The following MALT1 variants were observed in gnomAD, a reference collection of about 807,000 sequenced individuals.
MALT1 encodes the protein mucosa-associated lymphoid tissue lymphoma translocation protein 1.
In MALT1, 36 loss-of-function variants were observed where a neutral mutation model predicts 85.5. The ratio of observed to expected loss-of-function variants is 0.42; its 90% CI spans 0.32 to 0.56. The LOEUF is 0.56. Among genes scored for constraint, MALT1 ranks in the 20% least tolerant of loss-of-function variants. The pLI is 0.10. For synonymous variants in MALT1, 359 were observed against 361.3 expected (o/e 0.99, Z 0.07); for missense variants, 716 against 981.6 (o/e 0.73, Z 3.62).
At chr18:58,712,547 G>C (rs928960605) in intron 7 of MALT1, among the ~76,000 whole-genome samples, 18 of 152,220 alleles carry the variant, frequency 1.2e-4, no homozygotes, top group Non-Finnish European at 2.4e-4. Context: ...AAGAGGCTTG[G>C]GGGTGGATGA....
At chr18:58,701,461 GT>G (rs1208330491) in intron 4 of MALT1, among the ~76,000 whole-genome samples, 5 of 152,092 alleles carry the variant, frequency 3.3e-5, no homozygotes, top group Admixed American at 3.3e-4. Flanking sequence ...TATAGAACTC[GT>G]TGCATTGATT....
At chr18:58,686,296 G>A (rs1227741884) in intron 2 of MALT1, among the ~76,000 whole-genome samples, 1 of 152,142 alleles carries the variant, frequency 6.6e-6, no homozygotes, top group East Asian at 1.9e-4. Flanking sequence ...CAAAGTACTG[G>A]GATTGCAGGC....
At chr18:58,717,973 GGTTA>G (rs2054927838) in intron 9 of MALT1, among the ~76,000 whole-genome samples, 1 of 152,150 alleles carries the variant, frequency 6.6e-6, no homozygotes. Flanking sequence ...AATGTAACTG[GGTTA>G]GTTGCTGAAG....
Position 58,753,229 on chromosome 18 carries a change from C to G in MALT1, c.*5387C>G, listed in dbSNP as rs1346393511. On this transcript the variant is annotated 3_prime_UTR_variant, in exon 17 of 17. Coordinates refer to ENST00000649217, the MANE Select transcript of MALT1 (RefSeq NM_006785.4). ...TTGTTGTTGTCTTTTGAGTCTCACTCTGTCTCCCAGGCTGTAGTGCAGTGG... is the reference window on the plus strand; with the variant it reads ...TTGTTGTTGTCTTTTGAGTCTCACTGTGTCTCCCAGGCTGTAGTGCAGTGG... The G allele has an allele frequency of 2.0e-5, 3 of 152,064 alleles. No individual in the cohort carries two copies. Among genetic ancestry groups the G allele is most frequent in the Non-Finnish European group, 4.4e-5 (3 of 68,026 alleles). 9.4% of individuals were successfully genotyped at this position (152,064 alleles called of 1,614,324 possible). A position where few individuals can be genotyped will look rare whatever the true frequency, so the allele number is the denominator to read the frequency against.
chr18:58,707,458 G>T (rs936326722), intron 4 of MALT1, among the ~76,000 whole-genome samples: 13 of 151,480 alleles, frequency 8.6e-5, no homozygotes, highest in Admixed American at 5.9e-4. Context: ...TAAGTTTTGG[G>T]ATACGTGTAC....
chr18:58,747,570 G>T lies in MALT1; in HGVS notation c.2203G>T (p.Gly735Cys), dbSNP rs778168597. ...TCFQTCLMSN[G>C]PYQSSAATSG... ...CTTTCAAACTTGTCTTATGTCTAATGGTCCTTACCAGAGTTCTGCAGCCAC... is the reference window on the plus strand; with the variant it reads ...CTTTCAAACTTGTCTTATGTCTAATTGTCCTTACCAGAGTTCTGCAGCCAC... Residue 735 changes from glycine to cysteine, a missense_variant, in exon 17 of 17, where the codon GGT becomes TGT. Transcript: ENST00000649217. 2 of 1,614,094 alleles carry T rather than the reference G, an allele frequency of 1.2e-6. No homozygotes were observed. The highest frequency in any genetic ancestry group is 8.5e-7 in the Non-Finnish European group (1 of 1,180,006).
chr18:58,722,065 A>G (rs1244777285), intron 9 of MALT1, among the ~76,000 whole-genome samples: 1 of 151,126 alleles, frequency 6.6e-6, no homozygotes, highest in Non-Finnish European at 1.5e-5. Context: ...GTCAGAGGCT[A>G]TTATTGTCAC....
chr18:58,688,475 G>A (rs1027914305), intron 2 of MALT1, among the ~76,000 whole-genome samples: 7 of 139,542 alleles, frequency 5.0e-5, no homozygotes, highest in African/African-American at 8.2e-5. Context: ...ATCTCTTGAG[G>A]CCAGCAGTTC....
At chr18:58,725,129 C>CAA (rs60468299) in intron 10 of MALT1, among the ~76,000 whole-genome samples, 1 of 118,440 alleles carries the variant, frequency 8.4e-6, no homozygotes, top group African/African-American at 3.2e-5. Flanking sequence ...GACTCCGTCT[C>CAA]AAAAAAAAAA....
intron 4 of MALT1, among the ~76,000 whole-genome samples, chr18:58,706,705 T>A (rs891945792): frequency 6.6e-6 from 1 of 152,250 alleles, no homozygotes; most frequent in African/African-American, 2.4e-5. Context: ...TCTGTTGTCT[T>A]CATTTTTGAA....
Position 58,706,024 on chromosome 18 carries a change from C to T in MALT1, c.650-3354C>T, listed in dbSNP as rs145427323. ...TTTTTGAGATGGAGTCTCTCTCTGT[C>T]GCCCAGGCTGGAGTGCAGTGGCACG... On this transcript the variant is annotated intron_variant, in intron 4 of 16. Transcript: ENST00000649217. Among the ~76,000 whole-genome samples, 436 of 152,300 alleles carry T rather than the reference C, an allele frequency of 2.9e-3. 5 individuals carry two copies. The highest frequency in any genetic ancestry group is 0.01 in the African/African-American group (416 of 41,556).
At chr18:58,706,718 A>C (rs1286185750) in intron 4 of MALT1, among the ~76,000 whole-genome samples, 1 of 152,192 alleles carries the variant, frequency 6.6e-6, no homozygotes, top group Non-Finnish European at 1.5e-5. Context: ...TTTTTGAAGG[A>C]TATTTTCGTC....
intron 2 of MALT1, among the ~76,000 whole-genome samples, chr18:58,688,287 G>A (rs2054435465): frequency 8.4e-6 from 1 of 119,710 alleles, no homozygotes; most frequent in South Asian, 2.7e-4. Flanking sequence ...GCAATAAATT[G>A]TATATATATG....
intron 3 of MALT1, among the ~76,000 whole-genome samples, chr18:58,700,140 A>C (rs1277078075): frequency 6.6e-6 from 1 of 152,200 alleles, no homozygotes; most frequent in Non-Finnish European, 1.5e-5. Flanking sequence ...AGATTCTTTC[A>C]ATACTCAGTG....
chr18:58,691,290 G>T (rs572681773), intron 2 of MALT1: 1 of 603,974 alleles, frequency 1.7e-6, no homozygotes, highest in Admixed American at 2.2e-5. Flanking sequence ...GGAGAAAGCC[G>T]ATTTGCAACC....
At chr18:58,721,604 T>G (rs1333682422) in intron 9 of MALT1, among the ~76,000 whole-genome samples, 1 of 151,798 alleles carries the variant, frequency 6.6e-6, no homozygotes. Context: ...CAAAGTAGAG[T>G]TTTTTTTATC....
intron 8 of MALT1, among the ~76,000 whole-genome samples, chr18:58,715,146 C>T (rs911399617): frequency 6.6e-6 from 1 of 152,160 alleles, no homozygotes; most frequent in Non-Finnish European, 1.5e-5. Context: ...GTTTCTCTTA[C>T]TGGGGGAGAA....
intron 9 of MALT1, among the ~76,000 whole-genome samples, chr18:58,719,508 G>A (rs997069692): frequency 6.6e-6 from 1 of 152,106 alleles, no homozygotes; most frequent in Non-Finnish European, 1.5e-5. Flanking sequence ...ATGTCGGGCT[G>A]GATCTCCAAA....
At chr18:58,744,137 G>GATA (rs1250364123) in intron 14 of MALT1, among the ~76,000 whole-genome samples, 3 of 152,034 alleles carry the variant, frequency 2.0e-5, no homozygotes, top group Non-Finnish European at 2.9e-5. Flanking sequence ...TATACAGTTG[G>GATA]ATAAGAACTA....
Sources: allele counts gnomAD v4.1 joint callset (sites outside exome capture counted in the v4.1 genomes callset), GRCh38; gene constraint gnomAD v4.1.1; transcripts MANE v1.5; gene names NCBI Gene and HGNC (gene_info 2026-07-23, HGNC 2026-07-21).